DRC8: variants seen among roughly 807,000 people sequenced by gnomAD.
DRC8 encodes the protein dynein regulatory complex protein 8.
At chr1:244,996,165 C>G in the DRC8 span, among the ~76,000 whole-genome samples, 8 of 152,294 alleles carry the variant, frequency 5.3e-5, no homozygotes, top group East Asian at 1.2e-3. Flanking sequence ...CTGCCGTAAT[C>G]TGATGGATTG....
chr1:245,002,968 T>C, the DRC8 span, among the ~76,000 whole-genome samples: 1 of 152,178 alleles, frequency 6.6e-6, no homozygotes, highest in Non-Finnish European at 1.5e-5. Flanking sequence ...CTCCCCCTCC[T>C]GGAAACTACC....
the DRC8 span, among the ~76,000 whole-genome samples, chr1:245,016,301 C>T: frequency 6.6e-6 from 1 of 152,096 alleles, no homozygotes; most frequent in Non-Finnish European, 1.5e-5. Context: ...TACAATCACC[C>T]TCAAACTCAT....
the DRC8 span, among the ~76,000 whole-genome samples, chr1:245,043,685 G>A: frequency 5.9e-5 from 9 of 152,076 alleles, no homozygotes; most frequent in Non-Finnish European, 1.3e-4. Context: ...AGTTGCTCCT[G>A]GCCACTCTCG....
the DRC8 span, among the ~76,000 whole-genome samples, chr1:245,015,911 G>A: frequency 1.3e-5 from 2 of 149,990 alleles, no homozygotes; most frequent in South Asian, 2.1e-4. Flanking sequence ...ACCCTTCAGC[G>A]GCTTCTCATC....
chr1:245,083,093 C>T, the DRC8 span, among the ~76,000 whole-genome samples: 1 of 152,128 alleles, frequency 6.6e-6, no homozygotes, highest in African/African-American at 2.4e-5. Context: ...CTGTTAGGAC[C>T]CCTGGGCCAC....
the DRC8 span, among the ~76,000 whole-genome samples, chr1:245,030,268 T>C: frequency 6.6e-6 from 1 of 152,218 alleles, no homozygotes; most frequent in African/African-American, 2.4e-5. Flanking sequence ...ATCATTCTGT[T>C]GGTCATGCTC....
At chr1:244,980,040 T>TGAAAAAAAAA in the DRC8 span, among the ~76,000 whole-genome samples, 2 of 34,758 alleles carry the variant, frequency 5.8e-5, no homozygotes, top group African/African-American at 2.7e-4. Flanking sequence ...CCGTCTCTAC[T>TGAAAAAAAAA]AAAAAAAAAA....
the DRC8 span, among the ~76,000 whole-genome samples, chr1:245,116,221 A>G: frequency 6.6e-6 from 1 of 151,880 alleles, no homozygotes; most frequent in African/African-American, 2.4e-5. Flanking sequence ...AAAAAAAAAG[A>G]AAGAAAATTA....
the DRC8 span, chr1:245,017,134 G>C: frequency 1.2e-5 from 12 of 967,864 alleles, no homozygotes; most frequent in African/African-American, 1.7e-5. Context: ...TATAAGGAGA[G>C]GGTTCTTCAT....
chr1:245,109,913 C>T, the DRC8 span, among the ~76,000 whole-genome samples: 1 of 152,246 alleles, frequency 6.6e-6, no homozygotes, highest in East Asian at 1.9e-4. Flanking sequence ...TCTGTCTTCC[C>T]ATAGCCTATG....
chr1:245,009,772 A>G, the DRC8 span, among the ~76,000 whole-genome samples: 6 of 151,268 alleles, frequency 4.0e-5, no homozygotes, highest in Non-Finnish European at 8.8e-5. Context: ...CAGCCCCCCA[A>G]ATGATTTTTT....
At chr1:245,087,530 AGTATGTCT>A in the DRC8 span, 13 of 1,341,646 alleles carry the variant, frequency 9.7e-6, no homozygotes, top group Non-Finnish European at 1.1e-5. Flanking sequence ...AACCAAATTT[AGTATGTCT>A]AGCCTTACAG....
At chr1:245,067,262 G>T in the DRC8 span, among the ~76,000 whole-genome samples, 1 of 152,108 alleles carries the variant, frequency 6.6e-6, no homozygotes, top group Non-Finnish European at 1.5e-5. Context: ...GAGTAGCTGG[G>T]ATTACAGGTG....
At chr1:245,014,817 A>G in the DRC8 span, among the ~76,000 whole-genome samples, 2 of 152,304 alleles carry the variant, frequency 1.3e-5, no homozygotes, top group East Asian at 3.9e-4. Flanking sequence ...TTGTAAAAGT[A>G]TATACAGTAC....
chr1:245,038,481 T>C, the DRC8 span, among the ~76,000 whole-genome samples: 3 of 151,564 alleles, frequency 2.0e-5, no homozygotes, highest in South Asian at 2.1e-4. Flanking sequence ...AAAAAAAAAG[T>C]AGGGTGGTGA....
At chr1:245,083,609 T>C in the DRC8 span, 1 of 1,604,602 alleles carries the variant, frequency 6.2e-7, no homozygotes, top group Non-Finnish European at 8.5e-7. Flanking sequence ...ATCTATCTTT[T>C]CTTTTCCCCT....
chr1:245,063,480 G>C, the DRC8 span, among the ~76,000 whole-genome samples: 3 of 152,058 alleles, frequency 2.0e-5, no homozygotes, highest in Non-Finnish European at 4.4e-5. Flanking sequence ...TCCTTATTAG[G>C]CCCAGCACTT....
chr1:245,104,810 C>T, the DRC8 span, among the ~76,000 whole-genome samples: 5 of 152,126 alleles, frequency 3.3e-5, no homozygotes, highest in Non-Finnish European at 5.9e-5. Context: ...CTGTAATGTC[C>T]GATATGCAAT....
At chr1:244,970,372 C>T in the DRC8 span, 1 of 1,532,350 alleles carries the variant, frequency 6.5e-7, no homozygotes, top group Non-Finnish European at 8.7e-7. Context: ...GACACCGCGG[C>T]CGAGGTTATC....
Sources: allele counts gnomAD v4.1 joint callset (sites outside exome capture counted in the v4.1 genomes callset), GRCh38; gene constraint gnomAD v4.1.1; transcripts MANE v1.5; gene names NCBI Gene and HGNC (gene_info 2026-07-23, HGNC 2026-07-21).